AAAS: variants seen among roughly 807,000 people sequenced by gnomAD.
AAAS encodes aladin WD repeat nucleoporin, also known as aladin.
In AAAS, 60 loss-of-function variants were observed where a neutral mutation model predicts 75.6. That is an observed-to-expected ratio of 0.79 (90% CI 0.64 to 0.98). AAAS has a LOEUF of 0.98. AAAS is among the 50% of genes least tolerant of loss of function. AAAS has a pLI of 0.00. For synonymous variants in AAAS, 271 were observed against 265.0 expected, an observed-to-expected ratio of 1.02 and a Z score of -0.22; for missense variants, 658 against 686.9, an observed-to-expected ratio of 0.96 and a Z score of 0.47.
At chr12:53,313,633 G>C (rs1944423496) in intron 7 of AAAS, among the ~76,000 whole-genome samples, 1 of 148,212 alleles carries the variant, frequency 6.7e-6, no homozygotes, top group African/African-American at 2.5e-5. Flanking sequence ...TTTTGAGACA[G>C]AGTCTCGCTC....
At chr12:53,318,682 C>T (rs2136818348) in intron 2 of AAAS, among the ~76,000 whole-genome samples, 1 of 152,250 alleles carries the variant, frequency 6.6e-6, no homozygotes, top group Non-Finnish European at 1.5e-5. Context: ...TTAAAGTGAA[C>T]CATCCAGAGA....
intron 7 of AAAS, among the ~76,000 whole-genome samples, chr12:53,312,865 T>A (rs867128382): frequency 0.029 from 4,213 of 147,566 alleles, 70 homozygotes; most frequent in African/African-American, 0.052. Flanking sequence ...TATATATATT[T>A]TTTTTTTTTG....
At chr12:53,309,493 A>G in intron 8 of AAAS, 108 bp downstream of exon 8, 1 of 1,588,742 alleles carries the variant, frequency 6.3e-7, no homozygotes, top group Non-Finnish European at 8.6e-7. Flanking sequence ...TAAGTTTAAG[A>G]CTGAATGGAC....
At chr12:53,312,410 C>T (rs1019290775) in intron 7 of AAAS, among the ~76,000 whole-genome samples, 3 of 151,710 alleles carry the variant, frequency 2.0e-5, no homozygotes, top group African/African-American at 7.3e-5. Context: ...CCTATCTCTA[C>T]TAAAAATACA....
At chr12:53,309,085 C>G in intron 9 of AAAS, 65 bp from the exon 10 acceptor site, 1 of 1,614,196 alleles carries the variant, frequency 6.2e-7, no homozygotes, top group Non-Finnish European at 8.5e-7. Flanking sequence ...ACCTACCTCC[C>G]TTGACAGAGC....
At position 53,321,566 on chromosome 12, in the gene AAAS, C is replaced by T; in HGVS notation, c.-101G>A. 1.3e-6 allele frequency: 2 copies of T among 1,592,924 alleles called. No individual in the cohort carries two copies. The highest frequency in any genetic ancestry group is 2.7e-5 in the African/African-American group (2 of 74,824). On this transcript the variant is annotated 5_prime_UTR_variant, in exon 1 of 16. Transcript: ENST00000209873. ...TTCCCGGGCTAGATTCGTATGCGGA[C>T]GGGTACCGCAAGGGACAAACGGCGA...
rs1158491164 is a variant in AAAS, at chr12:53,314,701, G to A, written c.545+50C>T. On this transcript the variant is annotated intron_variant, in intron 6 of 15. Transcript: ENST00000209873. The stretch of plus-strand genomic sequence containing the variant: ...GACTCCCCGGAACCAAGGCTGGCAA[G>A]GGAAGGTGATATTGACAAGTCAGAG... 7 of 1,569,426 alleles carry A rather than the reference G, an allele frequency of 4.5e-6. No individual in the cohort carries two copies. In the Admixed American group the frequency reaches 5.1e-5, roughly 12 times the overall value.
Position 53,320,551 on chromosome 12 carries a change from T to C in AAAS, c.251+14A>G, listed in dbSNP as rs1440752881. The C allele has an allele frequency of 5.0e-6, 8 of 1,613,352 alleles. No homozygotes were observed. Among genetic ancestry groups the C allele is most frequent in the South Asian group, 1.1e-5 (1 of 91,046 alleles). ...TGCAGACTGTGACCCAGGAAACCCT[T>C]TGCCATGCCTCACCAAATGTTGATG... is the stretch of plus-strand genomic sequence containing the variant. On this transcript the variant is annotated intron_variant, in intron 2 of 15. Transcript: ENST00000209873.
chr12:53,314,654 G>GA, intron 6 of AAAS, 97 bp downstream of exon 6: 1 of 1,396,674 alleles, frequency 7.2e-7, no homozygotes, highest in Non-Finnish European at 1.0e-6. Flanking sequence ...GGAGCCCCAT[G>GA]AATCAGGTTC....
In AAAS at chr12:53,321,552, G is replaced by C; in HGVS notation, c.-87C>G. 1 of 1,603,926 alleles carries C rather than the reference G, an allele frequency of 6.2e-7. No individual in the cohort carries two copies. ...CTCCCGCAACTCGGTTCCCGGGCTA[G>C]ATTCGTATGCGGACGGGTACCGCAA... On this transcript the variant is annotated 5_prime_UTR_variant, in exon 1 of 16. It adds an upstream start codon to the 5' untranslated region. Coordinates refer to ENST00000209873, the MANE Select transcript of AAAS (RefSeq NM_015665.6).
At chr12:53,319,704 T>C (rs1411653845) in intron 2 of AAAS, among the ~76,000 whole-genome samples, 1 of 143,194 alleles carries the variant, frequency 7.0e-6, no homozygotes, top group Non-Finnish European at 1.5e-5. Context: ...CTCGGGAGGC[T>C]GAGGCAGGGG....
At position 53,314,298 on chromosome 12, in the gene AAAS, C is replaced by T. The variant is rs752360800; in HGVS notation, c.689G>A (p.Arg230Gln). 5 of 1,614,120 alleles carry T rather than the reference C, an allele frequency of 3.1e-6. No individual in the cohort carries two copies. The highest frequency in any genetic ancestry group is 4.2e-6 in the Non-Finnish European group (5 of 1,180,008). ...WTLDPTSLSTRPSSGCAQVLS... is the reference protein window; with the variant it reads ...WTLDPTSLSTQPSSGCAQVLS... The stretch of plus-strand genomic sequence containing the variant: ...GGTAAGGCAGGCTACTAGGACTTAC[C>T]GGGTAGACAAGGAGGTAGGGTCCAG... The change falls in exon 7 of 16, where the codon CGA (arginine) becomes CAA (glutamine). Residue 230 changes from arginine (R) to glutamine (Q), a missense_variant and splice_region_variant. Physicochemically the swap from Arg to Gln is conservative, Grantham distance 43. Coordinates refer to ENST00000209873, the MANE Select transcript of AAAS (RefSeq NM_015665.6).
In AAAS at chr12:53,321,373, A is replaced by C. The variant is rs1167823856; in HGVS notation, c.93T>G (p.Tyr31Ter). 3 of 1,613,944 alleles carry C rather than the reference A, an allele frequency of 1.9e-6. No homozygotes were observed. The highest frequency in any genetic ancestry group is 2.5e-6 in the Non-Finnish European group (3 of 1,180,038). Residue 31 changes from tyrosine (Y) to a stop codon, truncating the protein, a stop_gained, in exon 1 of 16, where the codon TAT becomes TAG. Transcript: ENST00000209873. LOFTEE classifies it high-confidence loss of function. ...HNNELVTGSSYESPPPDFRGQ... is the reference protein window; with the variant it reads ...HNNELVTGSS ...CCCGGAAGTCGGGGGGCGGGCTCTC[A>C]TAGCTACTGCCCGTCACCAGCTCGT...
Position 53,315,144 on chromosome 12 carries a change from T to C in AAAS, c.400-4A>G, listed in dbSNP as rs750205661. On this transcript the variant is annotated splice_polypyrimidine_tract_variant and splice_region_variant and intron_variant, in intron 4 of 15. Transcript: ENST00000209873. ...CGATCAGATCTTCGCTCCTGAGCTG[T>C]AAGAACAAGATAGACACAGGACACA... is the stretch of plus-strand genomic sequence containing the variant. 5.6e-6 allele frequency: 9 copies of C among 1,614,100 alleles called. No homozygotes were observed. Among genetic ancestry groups the C allele is most frequent in the Non-Finnish European group, 7.6e-6 (9 of 1,180,008 alleles).
intron 7 of AAAS, among the ~76,000 whole-genome samples, chr12:53,312,671 A>C (rs914734683): frequency 6.6e-6 from 1 of 151,578 alleles, no homozygotes; most frequent in Admixed American, 6.6e-5. Context: ...CCGTATCTAT[A>C]TCTTTCCACT....
Position 53,308,306 on chromosome 12 carries a change from C to T in AAAS, c.1225G>A (p.Glu409Lys). Residue 409 changes from glutamate (E) to lysine (K), a missense_variant, in exon 13 of 16, where the codon GAA (glutamate) becomes AAA (lysine). Physicochemically the swap from Glu to Lys is moderately conservative, Grantham distance 56. Coordinates refer to ENST00000209873, the MANE Select transcript of AAAS (RefSeq NM_015665.6). ...AHSMVWDPSG[E>K]RLAVLMKGKP... Reference sequence around the variant, plus strand: ...CCTTTCATAAGCACAGCCAGACGTTCCCCACTGGGGTCCCAGACCATGGAG... The same window carrying T: ...CCTTTCATAAGCACAGCCAGACGTTTCCCACTGGGGTCCCAGACCATGGAG... 6.2e-7 allele frequency: 1 copy of T among 1,614,162 alleles called. No individual in the cohort carries two copies.
intron 1 of AAAS, 28 bp from the exon 2 acceptor site, chr12:53,320,720 G>T (rs375985298): frequency 6.2e-7 from 1 of 1,612,992 alleles, no homozygotes; most frequent in Admixed American, 1.7e-5. Context: ...GGAGTGTGAC[G>T]GTGATTCAGT....
At chr12:53,321,021 G>A (rs746594590) in intron 1 of AAAS, 149 of 538,394 alleles carry the variant, frequency 2.8e-4, no homozygotes, top group Non-Finnish European at 1.2e-4. Context: ...ATGGAAAAAA[G>A]TTCCATGTTG....
At chr12:53,308,597 C>T (rs1361011277) in intron 11 of AAAS, 69 bp from the exon 12 acceptor site, 12 of 1,602,072 alleles carry the variant, frequency 7.5e-6, no homozygotes, top group African/African-American at 1.3e-5. Flanking sequence ...TGCCAGCTCA[C>T]CAAAGGCATC....
Sources: gnomAD v4.1 joint callset for allele counts (sites outside exome capture counted in the v4.1 genomes callset) on GRCh38, gnomAD v4.1.1 for gene constraint, MANE v1.5 for transcripts, NCBI Gene and HGNC (gene_info 2026-07-23, HGNC 2026-07-21) for gene names.